The following ETV5 variants were observed in gnomAD, a reference collection of about 807,000 sequenced individuals.
ETV5 encodes ETS variant transcription factor 5.
ETV5 carries 10 observed loss-of-function variants against 70.0 expected under a neutral mutation model. The ratio of observed to expected loss-of-function variants is 0.14; its 90% confidence interval spans 0.09 to 0.24. The LOEUF is 0.24. ETV5 is among the 10% of genes least tolerant of loss of function. The pLI is 1.00. For missense variants in ETV5, 453 were observed against 651.2 expected, an observed-to-expected ratio of 0.70 and a Z score of 3.31; for synonymous variants, 216 against 242.2, an observed-to-expected ratio of 0.89 and a Z score of 1.01.
chr3:186,103,620 AACACACACAC>A (rs10534124), intron 5 of ETV5, among the ~76,000 whole-genome samples: 9,860 of 142,816 alleles, frequency 0.069, 471 homozygotes, highest in African/African-American at 0.13. Context: ...TCATCTTGCA[AACACACACAC>A]ACACACACAC....
At chr3:186,058,410 G>C (rs1172738283) in intron 9 of ETV5, among the ~76,000 whole-genome samples, 1 of 152,200 alleles carries the variant, frequency 6.6e-6, no homozygotes, top group Non-Finnish European at 1.5e-5. Context: ...ACACGTCTTA[G>C]GAGAATGCCC....
chr3:186,077,598 TAG>T (rs1271150702), intron 7 of ETV5, among the ~76,000 whole-genome samples: 1 of 152,118 alleles, frequency 6.6e-6, no homozygotes, highest in Non-Finnish European at 1.5e-5. Flanking sequence ...AGGATGAGGG[TAG>T]AGAGAGCTGG....
rs1040688016 is a variant in ETV5, at chr3:186,066,448, C to T, written c.651-376G>A. Among the ~76,000 whole-genome samples the T allele has an allele frequency of 4.6e-5, 7 of 152,060 alleles. No individual in the cohort carries two copies. The South Asian group carries it at 1.0e-3, about 23-fold the overall frequency. ...GTTCACTAGTTCATCCATTCTCTCA[C>T]CTATAGATAGAAGGAATTTTTAAAG... is the stretch of plus-strand genomic sequence containing the variant. On this transcript the variant is annotated intron_variant, in intron 7 of 12. Transcript: ENST00000306376.
chr3:186,067,177 G>A, intron 7 of ETV5, among the ~76,000 whole-genome samples: 1 of 152,214 alleles, frequency 6.6e-6, no homozygotes, highest in Non-Finnish European at 1.5e-5. Flanking sequence ...GCTCATGCCT[G>A]TAATCCCAGC....
In ETV5 at chr3:186,105,127, T is replaced by A; in HGVS notation, c.232+178A>T. On this transcript the variant is annotated intron_variant, in intron 5 of 12. Transcript: ENST00000306376. This position sits in a 1 kb window ranked among gnomAD's most constrained non-coding sequence, Gnocchi z 4.5. ...TACCTGCAATACAGTAGAAATACTT[T>A]AGAAATAATTTTATTATGAAATAAA... 1.9e-6 allele frequency: 1 copy of A among 539,896 alleles called. No individual in the cohort carries two copies. Among genetic ancestry groups the A allele is most frequent in the Non-Finnish European group, 3.2e-6 (1 of 309,492 alleles). The allele number at this position is 539,896 out of a possible 1,614,324, so 33.4% of individuals were successfully genotyped here.
intron 5 of ETV5, among the ~76,000 whole-genome samples, chr3:186,093,178 G>A (rs1236984587): frequency 1.3e-5 from 2 of 152,142 alleles, no homozygotes; most frequent in Non-Finnish European, 2.9e-5. Flanking sequence ...AACAAAGCCC[G>A]TCTGGCTAGG....
intron 12 of ETV5, 134 bp downstream of exon 12, chr3:186,051,896 T>C (rs149086523): frequency 1.4e-5 from 10 of 728,000 alleles, no homozygotes; most frequent in Admixed American, 1.2e-4. Flanking sequence ...CTTCTCAAGA[T>C]TGTTTCCTAC....
At position 186,108,781 on chromosome 3, in the gene ETV5, G is replaced by T; in HGVS notation, c.-75+159C>A. ...AGGAACCAAACCGGACCGGGCCGCG[G>T]GGGGAGGGGGCGGTCAACCCGGGGG... On this transcript the variant is annotated intron_variant, in intron 1 of 12. Transcript: ENST00000306376. 4 of 532,110 alleles carry T rather than the reference G, an allele frequency of 7.5e-6. No homozygotes were observed. The South Asian group carries it at 9.6e-5, about 13-fold the overall frequency. The allele number at this position is 532,110 out of a possible 1,614,324, so 33.0% of individuals were successfully genotyped here.
chr3:186,103,139 T>C (rs1714503812), intron 5 of ETV5, among the ~76,000 whole-genome samples: 1 of 152,110 alleles, frequency 6.6e-6, no homozygotes, highest in Non-Finnish European at 1.5e-5. Flanking sequence ...GGCTCAACCT[T>C]AGGCAGTTAA....
In ETV5 at chr3:186,109,072, C is replaced by T. The variant is rs117016615; in HGVS notation, c.-207G>A. The T allele has an allele frequency of 2.6e-5, 4 of 152,392 alleles. No homozygotes were observed. The East Asian group carries it at 5.8e-4, about 22-fold the overall frequency. The allele number at this position is 152,392 out of a possible 1,614,324, so 9.4% of individuals were successfully genotyped here. Reference sequence around the variant, plus strand: ...TCCGAAGACGGTGAACCGCTCCGCGCACCAGCGGCTGGACTCTGCGCCGCA... The same window carrying T: ...TCCGAAGACGGTGAACCGCTCCGCGTACCAGCGGCTGGACTCTGCGCCGCA... On this transcript the variant is annotated 5_prime_UTR_variant, in exon 1 of 13. Transcript: ENST00000306376.
In ETV5 at chr3:186,048,142, C is replaced by A; in HGVS notation, c.*497G>T. The A allele has an allele frequency of 4.2e-6, 1 of 235,756 alleles. No individual in the cohort carries two copies. The allele number at this position is 235,756 out of a possible 1,614,324, so 14.6% of individuals were successfully genotyped here. On this transcript the variant is annotated 3_prime_UTR_variant, in exon 13 of 13. Transcript: ENST00000306376. Reference sequence around the variant, plus strand: ...TTCAGATTCAGCTAGAAGAGCTTTCCAATGTTTAAGATGTATTTTTAACCC... The same window carrying A: ...TTCAGATTCAGCTAGAAGAGCTTTCAAATGTTTAAGATGTATTTTTAACCC...
chr3:186,069,658 C>G (rs1713552579), intron 7 of ETV5, among the ~76,000 whole-genome samples: 1 of 152,100 alleles, frequency 6.6e-6, no homozygotes, highest in East Asian at 1.9e-4. Flanking sequence ...CCGCAGCCTC[C>G]CAAGTAGCTG....
At chr3:186,049,718 A>G (rs565529181) in intron 12 of ETV5, among the ~76,000 whole-genome samples, 4 of 152,194 alleles carry the variant, frequency 2.6e-5, no homozygotes, top group Non-Finnish European at 5.9e-5. Context: ...GTGATTCTAA[A>G]ATCTTTTTTT....
At chr3:186,058,276 C>A (rs1387440032) in intron 9 of ETV5, among the ~76,000 whole-genome samples, 2 of 152,222 alleles carry the variant, frequency 1.3e-5, no homozygotes, top group East Asian at 1.9e-4. Context: ...TCGCTAGGCA[C>A]CTTGTCAAGA....
intron 5 of ETV5, among the ~76,000 whole-genome samples, chr3:186,102,782 C>G (rs1260759916): frequency 6.6e-6 from 1 of 152,086 alleles, no homozygotes; most frequent in Non-Finnish European, 1.5e-5. Context: ...AAATCACGAG[C>G]TCTTCCAGAA....
intron 7 of ETV5, among the ~76,000 whole-genome samples, chr3:186,075,843 G>GT (rs1713770907): frequency 6.6e-6 from 1 of 152,224 alleles, no homozygotes; most frequent in African/African-American, 2.4e-5. Flanking sequence ...TTGATGTCAA[G>GT]TAAGTGAGAA....
intron 5 of ETV5, among the ~76,000 whole-genome samples, chr3:186,089,248 G>C (rs1005148040): frequency 5.9e-5 from 9 of 152,194 alleles, no homozygotes; most frequent in African/African-American, 2.2e-4. Flanking sequence ...CCTGGCAACA[G>C]TTTCCAAAAA....
At chr3:186,085,774 T>C (rs1235834593) in intron 5 of ETV5, among the ~76,000 whole-genome samples, 1 of 152,164 alleles carries the variant, frequency 6.6e-6, no homozygotes, top group Non-Finnish European at 1.5e-5. Flanking sequence ...CCTCCCAAAG[T>C]GCTGGGATTA....
chr3:186,088,910 A>C (rs762024979), intron 5 of ETV5, among the ~76,000 whole-genome samples: 3 of 152,224 alleles, frequency 2.0e-5, no homozygotes, highest in Non-Finnish European at 2.9e-5. Context: ...AGCAGGAAAA[A>C]AGATGTAGAT....
Sources: allele counts gnomAD v4.1 joint callset (sites outside exome capture counted in the v4.1 genomes callset), GRCh38; gene constraint gnomAD v4.1.1; non-coding constraint Gnocchi (gnomAD v3.1); transcripts MANE v1.5; gene names NCBI Gene and HGNC (gene_info 2026-07-23, HGNC 2026-07-21).